ADGRG5: variants seen among roughly 807,000 people sequenced by gnomAD.
ADGRG5 encodes the protein adhesion G protein-coupled receptor G5.
A neutral mutation model predicts 53.2 loss-of-function variants in ADGRG5; 37 were observed. The observed-to-expected ratio is 0.70, with a 90% confidence interval of 0.53 to 0.91. The LOEUF (loss-of-function observed/expected upper bound fraction) is 0.91. Among genes scored for constraint, ADGRG5 ranks in the 40% least tolerant of loss-of-function variants. The pLI, the probability that ADGRG5 is intolerant of heterozygous loss-of-function variation, is 0.00. For synonymous variants in ADGRG5, 277 were observed against 290.4 expected, an observed-to-expected ratio of 0.95 and a Z score of 0.47; for missense variants, 614 against 675.8, an observed-to-expected ratio of 0.91 and a Z score of 1.01.
Position 57,563,114 on chromosome 16 carries a change from T to A in ADGRG5, c.164T>A (p.Met55Lys), listed in dbSNP as rs1249557627. ...SSRQLHQLEQ[M>K]LLNTSFPGYN... ...AGTCAACTCCACCAGCTGGAGCAGA[T>A]GCTACTGAACACCAGCTTCCCAGGC... The change falls in exon 4 of 12, where the codon ATG becomes AAG. Residue 55 changes from methionine to lysine, a missense_variant. Transcript: ENST00000349457. 6.2e-7 allele frequency: 1 copy of A among 1,614,174 alleles called. No individual in the cohort carries two copies. Among genetic ancestry groups the A allele is most frequent in the South Asian group, 1.1e-5 (1 of 91,090 alleles).
chr16:57,572,392 G>A (rs1039626016), intron 10 of ADGRG5, among the ~76,000 whole-genome samples: 2 of 152,046 alleles, frequency 1.3e-5, no homozygotes, highest in South Asian at 2.1e-4. Flanking sequence ...GGAGAATGGC[G>A]TGAACCTGGG....
At chr16:57,571,284 C>T (rs535028068) in intron 10 of ADGRG5, among the ~76,000 whole-genome samples, 119 of 152,220 alleles carry the variant, frequency 7.8e-4, no homozygotes, top group African/African-American at 2.7e-3. Context: ...GGGCAAGGGC[C>T]GGGTCCTGTT....
In ADGRG5 at chr16:57,575,669, C is replaced by G; in HGVS notation, c.*131C>G. ...CACTGTGACCGCCAAGGGGCCTTTT[C>G]CACTTCCACGGCCTCTCCAGGCACT... is the stretch of plus-strand genomic sequence containing the variant. On this transcript the variant is annotated 3_prime_UTR_variant, in exon 12 of 12. Coordinates refer to ENST00000349457, the MANE Select transcript of ADGRG5 (RefSeq NM_001304376.3). The G allele has an allele frequency of 1.5e-6, 1 of 681,200 alleles. No homozygotes were observed. Among genetic ancestry groups the G allele is most frequent in the South Asian group, 1.7e-5 (1 of 57,722 alleles). 42.2% of individuals were successfully genotyped at this position (681,200 alleles called of 1,614,324 possible). A position where few individuals can be genotyped will look rare whatever the true frequency, so the allele number is the denominator to read the frequency against.
chr16:57,564,341 G>A (rs111690128), intron 5 of ADGRG5, among the ~76,000 whole-genome samples: 21,767 of 145,914 alleles, frequency 0.15, 4,343 homozygotes, highest in African/African-American at 0.46. Flanking sequence ...GCAGAGTCTC[G>A]CTCTGTTGCC....
the ADGRG5 span, among the ~76,000 whole-genome samples, chr16:57,534,697 G>A: frequency 6.6e-6 from 1 of 152,142 alleles, no homozygotes; most frequent in East Asian, 1.9e-4. Flanking sequence ...CCACTCTTAG[G>A]GGTACCCTTG....
chr16:57,529,244 G>A, the ADGRG5 span: 18 of 1,130,016 alleles, frequency 1.6e-5, no homozygotes, highest in Non-Finnish European at 2.0e-5. This position sits in a 1 kb window ranked among gnomAD's most constrained non-coding sequence, Gnocchi z 4.1. Flanking sequence ...GGGGACGCGC[G>A]GCGGGCGCGA....
upstream of ADGRG5, among the ~76,000 whole-genome samples, chr16:57,539,382 ATG>A (rs1336687601): frequency 6.6e-6 from 1 of 151,578 alleles, no homozygotes; most frequent in Non-Finnish European, 1.5e-5. Flanking sequence ...AATATGAAAA[ATG>A]TTTTGGACAT....
intron 1 of ADGRG5, among the ~76,000 whole-genome samples, chr16:57,558,879 C>T (rs1487655720): frequency 6.7e-6 from 1 of 149,038 alleles, no homozygotes; most frequent in Non-Finnish European, 1.5e-5. Flanking sequence ...GGGTCTCACT[C>T]TGTTGCCCAG....
chr16:57,558,420 A>G (rs1390581998), intron 1 of ADGRG5, among the ~76,000 whole-genome samples: 1 of 152,212 alleles, frequency 6.6e-6, no homozygotes, highest in Non-Finnish European at 1.5e-5. Context: ...TCAGCATTGC[A>G]TGCATGCAAC....
chr16:57,545,619 A>G (rs1390500677), intron 1 of ADGRG5, among the ~76,000 whole-genome samples: 1 of 152,196 alleles, frequency 6.6e-6, no homozygotes, highest in Non-Finnish European at 1.5e-5. Context: ...TTGCTTTTTC[A>G]CTTGAAAATA....
chr16:57,563,796 G>A, intron 4 of ADGRG5, 52 bp from the exon 5 acceptor site: 1 of 1,610,396 alleles, frequency 6.2e-7, no homozygotes, highest in South Asian at 1.1e-5. Context: ...AGGTGTTGGG[G>A]TCAGGTCTCC....
At chr16:57,568,304 C>T (rs1315881223) in intron 9 of ADGRG5, among the ~76,000 whole-genome samples, 180 bp downstream of exon 9, 1 of 151,998 alleles carries the variant, frequency 6.6e-6, no homozygotes, top group Non-Finnish European at 1.5e-5. Context: ...ACCTCTTCCA[C>T]CTCCATCATC....
chr16:57,556,320 G>A (rs2032882493), intron 1 of ADGRG5, among the ~76,000 whole-genome samples: 1 of 152,092 alleles, frequency 6.6e-6, no homozygotes, highest in African/African-American at 2.4e-5. Flanking sequence ...TTATTTATAT[G>A]ATTGGGTTTA....
chr16:57,545,788 G>A (rs72791646), intron 1 of ADGRG5, among the ~76,000 whole-genome samples: 11,684 of 151,352 alleles, frequency 0.077, 576 homozygotes, highest in East Asian at 0.19. Flanking sequence ...CAATGTAGCT[G>A]TGCTTATATT....
chr16:57,539,453 CCTTT>C (rs2032457738), upstream of ADGRG5, among the ~76,000 whole-genome samples: 3 of 108,774 alleles, frequency 2.8e-5, no homozygotes, highest in Non-Finnish European at 2.2e-5. Context: ...GCACTGTACC[CCTTT>C]TTTTTTTTTT....
chr16:57,571,495 G>A (rs1331652477), intron 10 of ADGRG5, among the ~76,000 whole-genome samples: 1 of 152,116 alleles, frequency 6.6e-6, no homozygotes, highest in Non-Finnish European at 1.5e-5. Flanking sequence ...TGAGGCTCGG[G>A]TGTATCAGAG....
chr16:57,536,799 G>A, the ADGRG5 span, among the ~76,000 whole-genome samples: 1 of 152,168 alleles, frequency 6.6e-6, no homozygotes, highest in Non-Finnish European at 1.5e-5. Flanking sequence ...CCCAACGGAG[G>A]CCCCACCCCC....
intron 10 of ADGRG5, among the ~76,000 whole-genome samples, chr16:57,571,549 A>G (rs1033222757): frequency 1.3e-5 from 2 of 152,336 alleles, no homozygotes; most frequent in African/African-American, 4.8e-5. Flanking sequence ...TGCAATCTCC[A>G]TGACAACCCA....
At chr16:57,556,908 C>CTTTTTTTTTTTTTTTTTTTTTTTTTT (rs35948606) in intron 1 of ADGRG5, among the ~76,000 whole-genome samples, 1 of 115,780 alleles carries the variant, frequency 8.6e-6, no homozygotes. Flanking sequence ...TTGCCTTCTT[C>CTTTTTTTTTTTTTTTTTTTTTTTTTT]TTTTTTTTTT....
Sources: gnomAD v4.1 joint callset for allele counts (sites outside exome capture counted in the v4.1 genomes callset) on GRCh38, gnomAD v4.1.1 for gene constraint, Gnocchi (gnomAD v3.1) non-coding constraint, MANE v1.5 for transcripts, NCBI Gene and HGNC (gene_info 2026-07-23, HGNC 2026-07-21) for gene names.